The following MACROD2 variants were observed in gnomAD, a reference collection of about 807,000 sequenced individuals.
The protein encoded by MACROD2 is mono-ADP ribosylhydrolase 2, also known as ADP-ribose glycohydrolase MACROD2.
A neutral mutation model predicts 70.4 loss-of-function variants in MACROD2; 36 were observed. That is an observed-to-expected ratio of 0.51 (90% CI 0.39 to 0.68). The LOEUF is 0.68. MACROD2 is among the 30% of genes least tolerant of loss of function. MACROD2 has a pLI of 0.00. For synonymous variants in MACROD2, 172 were observed against 178.8 expected, an observed-to-expected ratio of 0.96 and a Z score of 0.30; for missense variants, 496 against 538.4, an observed-to-expected ratio of 0.92 and a Z score of 0.78.
At chr20:14,763,204 A>C (rs1249557198) in intron 5 of MACROD2, among the ~76,000 whole-genome samples, 2 of 135,306 alleles carry the variant, frequency 1.5e-5, no homozygotes, top group African/African-American at 4.9e-5. Context: ...TTCTAAATAA[A>C]AAGTTACCAC....
At chr20:14,348,526 T>C (rs1358855917) in intron 3 of MACROD2, among the ~76,000 whole-genome samples, 4 of 152,006 alleles carry the variant, frequency 2.6e-5, no homozygotes, top group Non-Finnish European at 1.5e-5. Flanking sequence ...CAACTTGTCT[T>C]TTATGAACAA....
chr20:15,360,136 C>T (rs1464574392), intron 6 of MACROD2, among the ~76,000 whole-genome samples: 1 of 152,156 alleles, frequency 6.6e-6, no homozygotes, highest in East Asian at 1.9e-4. Context: ...CTTTTCTCCA[C>T]TCGGTATAAT....
chr20:15,157,817 T>C (rs1222003485), intron 5 of MACROD2, among the ~76,000 whole-genome samples: 1 of 152,006 alleles, frequency 6.6e-6, no homozygotes, highest in Non-Finnish European at 1.5e-5. Context: ...GGTGGCTGTA[T>C]CCCTCTTCAG....
Position 14,928,758 on chromosome 20 carries a change from C to T in MACROD2, c.418+243799C>T, listed in dbSNP as rs375189995. 7.9e-4 allele frequency among the ~76,000 whole-genome samples: 120 copies of T among 152,306 alleles called. 1 individual carries two copies. In the South Asian group the frequency reaches 0.023, roughly 29 times the overall value. On this transcript the variant is annotated intron_variant, in intron 5 of 17. Coordinates refer to ENST00000684519, the MANE Select transcript of MACROD2 (RefSeq NM_001351661.2). ...ATGAAAAATCATATAATATGGGTTA[C>T]ATTCCCAACCCACATCTTCTCAAAT...
intron 6 of MACROD2, among the ~76,000 whole-genome samples, chr20:15,295,462 G>C (rs2146115050): frequency 6.6e-6 from 1 of 152,180 alleles, no homozygotes; most frequent in South Asian, 2.1e-4. Flanking sequence ...CTTTGAAAAA[G>C]AGGTGCTGGG....
At chr20:14,074,688 A>G (rs999705075) in intron 2 of MACROD2, among the ~76,000 whole-genome samples, 3 of 152,090 alleles carry the variant, frequency 2.0e-5, no homozygotes, top group Admixed American at 2.0e-4. Flanking sequence ...CTGTTTGAAC[A>G]TGCTTCTCCC....
At position 15,788,722 on chromosome 20, in the gene MACROD2, A is replaced by G. The variant is rs577532816; in HGVS notation, c.646-74023A>G. 7.3e-4 allele frequency among the ~76,000 whole-genome samples: 111 copies of G among 152,346 alleles called. 1 individual carries two copies. The highest frequency in any genetic ancestry group is 6.7e-3 in the Admixed American group (103 of 15,306). ...AGAAACACAATTCATTTTAATAGGT[A>G]TGCAGTCATTATTCAGGAAATGTGA... is the stretch of plus-strand genomic sequence containing the variant. On this transcript the variant is annotated intron_variant, in intron 8 of 17. Coordinates refer to ENST00000684519, the MANE Select transcript of MACROD2 (RefSeq NM_001351661.2).
intron 5 of MACROD2, among the ~76,000 whole-genome samples, chr20:15,222,013 T>G (rs2076866049): frequency 6.6e-6 from 1 of 152,078 alleles, no homozygotes; most frequent in African/African-American, 2.4e-5. Flanking sequence ...GTGAGAGAGG[T>G]AAACCAAAAG....
chr20:14,100,662 A>G (rs548348954), intron 3 of MACROD2, among the ~76,000 whole-genome samples: 49 of 141,364 alleles, frequency 3.5e-4, no homozygotes, highest in African/African-American at 1.2e-3. Context: ...ATATAAATAT[A>G]TATTTAAATG....
At chr20:15,247,983 C>T (rs1325972313) in intron 6 of MACROD2, among the ~76,000 whole-genome samples, 1 of 152,196 alleles carries the variant, frequency 6.6e-6, no homozygotes, top group Non-Finnish European at 1.5e-5. Context: ...CAGGCATGAG[C>T]CACCGCACCC....
intron 4 of MACROD2, among the ~76,000 whole-genome samples, chr20:14,516,339 G>A (rs930749531): frequency 3.3e-5 from 5 of 152,012 alleles, no homozygotes; most frequent in African/African-American, 1.2e-4. Context: ...GGCTTTTGTT[G>A]CCATTGCTTT....
intron 3 of MACROD2, among the ~76,000 whole-genome samples, chr20:14,357,029 T>C (rs1448793223): frequency 6.6e-6 from 1 of 152,224 alleles, no homozygotes; most frequent in Non-Finnish European, 1.5e-5. Flanking sequence ...TCCTCAGTAG[T>C]GACTTCTTTA....
At chr20:15,497,619 G>A (rs921728214) in intron 7 of MACROD2, among the ~76,000 whole-genome samples, 11 of 152,022 alleles carry the variant, frequency 7.2e-5, no homozygotes, top group Admixed American at 3.3e-4. Context: ...CAGCTCACCC[G>A]TACTCTCATT....
intron 3 of MACROD2, among the ~76,000 whole-genome samples, chr20:14,201,876 T>C (rs2081482843): frequency 6.6e-6 from 1 of 151,566 alleles, no homozygotes; most frequent in Admixed American, 6.6e-5. Flanking sequence ...GGAACAAATA[T>C]TAAAATCTAA....
chr20:14,628,851 A>G (rs927487478), intron 4 of MACROD2: 4 of 152,172 alleles, frequency 2.6e-5, no homozygotes, highest in Non-Finnish European at 1.5e-5. Flanking sequence ...GAATTAGAAG[A>G]TACTATTTAG....
intron 4 of MACROD2, among the ~76,000 whole-genome samples, chr20:14,533,385 T>C (rs2085328743): frequency 6.6e-6 from 1 of 152,208 alleles, no homozygotes; most frequent in Non-Finnish European, 1.5e-5. Context: ...AAATTTTGTT[T>C]TTTGACAAGC....
chr20:14,916,936 G>T (rs1334648330), intron 5 of MACROD2, among the ~76,000 whole-genome samples: 2 of 151,998 alleles, frequency 1.3e-5, no homozygotes, highest in Non-Finnish European at 2.9e-5. Flanking sequence ...TTCCAAGGAA[G>T]AGAGATAATG....
intron 5 of MACROD2, among the ~76,000 whole-genome samples, chr20:14,810,242 T>G (rs957994101): frequency 6.6e-6 from 1 of 152,054 alleles, no homozygotes; most frequent in African/African-American, 2.4e-5. Context: ...TTATCCACCA[T>G]GATCAAGTCG....
At chr20:14,823,481 G>T (rs2072869751) in intron 5 of MACROD2, among the ~76,000 whole-genome samples, 1 of 151,994 alleles carries the variant, frequency 6.6e-6, no homozygotes, top group Non-Finnish European at 1.5e-5. Context: ...CTGTCATCAG[G>T]GACCTGGGTT....
Sources: allele counts gnomAD v4.1 joint callset (sites outside exome capture counted in the v4.1 genomes callset), GRCh38; gene constraint gnomAD v4.1.1; transcripts MANE v1.5; gene names NCBI Gene and HGNC (gene_info 2026-07-23, HGNC 2026-07-21).